The following DNAH7 variants were observed in gnomAD, a reference collection of about 807,000 sequenced individuals.
The protein encoded by DNAH7 is dynein axonemal heavy chain 7, also known as axonemal beta dynein heavy chain 7.
DNAH7 carries 397 observed loss-of-function variants against 444.6 expected under a neutral mutation model. The observed-to-expected ratio is 0.89, with a 90% CI of 0.82 to 0.97. The LOEUF is 0.97. Ranked by LOEUF, DNAH7 falls within the 50% of genes least tolerant of loss-of-function variation. DNAH7 has a pLI of 0.00. For missense variants in DNAH7, 4,902 were observed against 4,800.8 expected (o/e 1.02, Z -0.62); for synonymous variants, 1,636 against 1,624.4 (o/e 1.01, Z -0.17).
At chr2:195,745,190 A>G (rs917426641) in intron 63 of DNAH7, among the ~76,000 whole-genome samples, 3 of 152,236 alleles carry the variant, frequency 2.0e-5, no homozygotes, top group African/African-American at 4.8e-5. Context: ...GCCAAGGCTC[A>G]AGAACTACGT....
rs754384157 is a variant in DNAH7 at position 195,972,398 on chromosome 2, G to A, written c.1902C>T (p.Asn634=). 6.2e-7 allele frequency: 1 copy of A among 1,614,090 alleles called. No individual in the cohort carries two copies. Among genetic ancestry groups the A allele is most frequent in the Non-Finnish European group, 8.5e-7 (1 of 1,179,994 alleles). The change falls in exon 16 of 65, where the codon AAC becomes AAT. Residue 634 remains asparagine (N), a synonymous_variant. Coordinates refer to ENST00000312428, the MANE Select transcript of DNAH7 (RefSeq NM_018897.3). ...CATACTCGATGAGGAAGGCGAGGCA[G>A]TTTTTGGAATCCACTAATCTCTGTT... ...ELEQRLVDSK[N]CLAFLIEYVN...
At chr2:195,782,568 C>T (rs1423400894) in intron 58 of DNAH7, among the ~76,000 whole-genome samples, 1 of 152,084 alleles carries the variant, frequency 6.6e-6, no homozygotes, top group Non-Finnish European at 1.5e-5. Flanking sequence ...AAAAGAACCA[C>T]AGAAAAACGT....
chr2:195,934,642 C>T lies in DNAH7; in HGVS notation c.3420G>A (p.Val1140=), dbSNP rs1214291005. The part of the protein sequence containing the change: ...IISTAKARGQ[V]EKWLVELERV... ...TCTCTAATTCAACCAACCACTTCTC[C>T]ACTTGACCTCTGGCTTTGGCTGTTG... Residue 1140 remains valine, a synonymous_variant, in exon 21 of 65, where the codon GTG becomes GTA. Coordinates refer to ENST00000312428, the MANE Select transcript of DNAH7 (RefSeq NM_018897.3). 3.1e-6 allele frequency: 5 copies of T among 1,613,948 alleles called. No individual in the cohort carries two copies. The highest frequency in any genetic ancestry group is 4.2e-6 in the Non-Finnish European group (5 of 1,179,988).
chr2:195,919,137 C>G (rs1487977576), intron 24 of DNAH7, among the ~76,000 whole-genome samples: 1 of 151,342 alleles, frequency 6.6e-6, no homozygotes, highest in Non-Finnish European at 1.5e-5. Flanking sequence ...GTAATCCCAG[C>G]TACTCGGGAG....
intron 19 of DNAH7, among the ~76,000 whole-genome samples, chr2:195,942,785 G>A (rs1689546470): frequency 6.6e-6 from 1 of 152,066 alleles, no homozygotes; most frequent in Non-Finnish European, 1.5e-5. Flanking sequence ...TTAATTCCCA[G>A]ATCCATGTAC....
intron 1 of DNAH7, among the ~76,000 whole-genome samples, chr2:196,066,979 A>G (rs1397614925): frequency 6.6e-6 from 1 of 152,226 alleles, no homozygotes; most frequent in Non-Finnish European, 1.5e-5. Flanking sequence ...ACAGTGATAG[A>G]GGGCCCTCTG....
At chr2:196,062,669 A>G (rs1317081424) in intron 1 of DNAH7, among the ~76,000 whole-genome samples, 1 of 152,104 alleles carries the variant, frequency 6.6e-6, no homozygotes, top group African/African-American at 2.4e-5. Flanking sequence ...TGGGGACACT[A>G]TCGCCCCTAC....
intron 7 of DNAH7, among the ~76,000 whole-genome samples, chr2:196,024,767 T>C (rs1415031999): frequency 1.3e-5 from 2 of 152,016 alleles, no homozygotes; most frequent in Non-Finnish European, 2.9e-5. Context: ...GAATAATTGC[T>C]CTTAATATTA....
At position 195,857,591 on chromosome 2, in the gene DNAH7, C is replaced by T; in HGVS notation, c.8200G>A (p.Asp2734Asn). The T allele has an allele frequency of 6.2e-7, 1 of 1,613,922 alleles. No homozygotes were observed. The highest frequency in any genetic ancestry group is 8.5e-7 in the Non-Finnish European group (1 of 1,179,930). ...AGTCTCTTAGCTGGGCCCCAGAAAT[C>T]CTCAATTTTTTTCCCTGAACCTGTT... Reference protein sequence around the residue: ...DPTGSGKKIEDFWGPAKRLLG... With the variant: ...DPTGSGKKIENFWGPAKRLLG... The change falls in exon 44 of 65, where the codon GAT (aspartate) becomes AAT (asparagine). Residue 2734 changes from aspartate (D) to asparagine (N), a missense_variant. Physicochemically the swap from Asp to Asn is conservative, Grantham distance 23. Coordinates refer to ENST00000312428, the MANE Select transcript of DNAH7 (RefSeq NM_018897.3).
Position 195,872,369 on chromosome 2 carries a change from C to T in DNAH7, c.6514G>A (p.Ala2172Thr). 1 of 1,613,888 alleles carries T rather than the reference C, an allele frequency of 6.2e-7. No homozygotes were observed. The highest frequency in any genetic ancestry group is 8.5e-7 in the Non-Finnish European group (1 of 1,179,872). ...EAMKNLLPTP[A>T]KSHYLFNLRD... ...AGGTTGAACAAGTAGTGAGATTTAGCTGGAGTAGGCAAGAGATTCTTCATT... is the reference window on the plus strand; with the variant it reads ...AGGTTGAACAAGTAGTGAGATTTAGTTGGAGTAGGCAAGAGATTCTTCATT... The change falls in exon 40 of 65, where the codon GCT becomes ACT. Residue 2172 changes from alanine to threonine, a missense_variant. Transcript: ENST00000312428.
At chr2:196,017,159 C>T (rs559861733) in intron 9 of DNAH7, among the ~76,000 whole-genome samples, 92 of 151,980 alleles carry the variant, frequency 6.1e-4, no homozygotes, top group Non-Finnish European at 9.4e-4. Context: ...GGATTACAGG[C>T]GCCCACCACC....
At chr2:195,964,872 G>A (rs13399332) in intron 17 of DNAH7, among the ~76,000 whole-genome samples, 4,848 of 135,246 alleles carry the variant, frequency 0.036, 269 homozygotes, top group African/African-American at 0.15. Flanking sequence ...GTGAGACTCC[G>A]TCTCAAAAAA....
chr2:195,895,052 A>C lies in DNAH7; in HGVS notation c.4820T>G (p.Ile1607Ser). The C allele has an allele frequency of 6.2e-7, 1 of 1,613,588 alleles. No homozygotes were observed. The highest frequency in any genetic ancestry group is 1.1e-5 in the South Asian group (1 of 91,004). ...TTTTCCTCCAAATGGTTCTCCAACAATCATAAAACCATGACGCACAATCAT... is the reference window on the plus strand; with the variant it reads ...TTTTCCTCCAAATGGTTCTCCAACACTCATAAAACCATGACGCACAATCAT... ...EMMIVRHGFMIVGEPFGGKTS... is the reference protein window; with the variant it reads ...EMMIVRHGFMSVGEPFGGKTS... Residue 1607 changes from isoleucine (I) to serine (S), a missense_variant, in exon 30 of 65, where the codon ATT becomes AGT. Coordinates refer to ENST00000312428, the MANE Select transcript of DNAH7 (RefSeq NM_018897.3).
chr2:195,907,742 A>G (rs1687118569), intron 25 of DNAH7, among the ~76,000 whole-genome samples: 1 of 152,282 alleles, frequency 6.6e-6, no homozygotes, highest in East Asian at 1.9e-4. Context: ...TTAAATAATT[A>G]GCACAAAGCC....
chr2:196,048,404 C>G lies in DNAH7; in HGVS notation c.142G>C (p.Val48Leu), dbSNP rs370829351. Residue 48 changes from valine (V) to leucine (L), a missense_variant and splice_region_variant, in exon 4 of 65, where the codon GTG (valine) becomes CTG (leucine). By Grantham distance (32) the Val-to-Leu change is conservative. Transcript: ENST00000312428. ...PARALPQLSM[V>L]STKPHWQQAA... ...TGCTGCCAGTGGGGCTTTGTACTCA[C>G]CTAAAATACAAAATTTAAATAGCAT... 2.5e-6 allele frequency: 4 copies of G among 1,610,762 alleles called. No homozygotes were observed. Among genetic ancestry groups the G allele is most frequent in the Non-Finnish European group, 3.4e-6 (4 of 1,178,910 alleles).
intron 15 of DNAH7, 94 bp downstream of exon 15, chr2:195,984,538 T>C: frequency 8.2e-7 from 1 of 1,220,008 alleles, no homozygotes; most frequent in South Asian, 1.3e-5. Flanking sequence ...TTATTTTTAA[T>C]CTGTCTTAAC....
chr2:195,851,724 C>T (rs975053976), intron 46 of DNAH7, among the ~76,000 whole-genome samples: 1 of 152,174 alleles, frequency 6.6e-6, no homozygotes, highest in African/African-American at 2.4e-5. Context: ...TCTGCTAGTG[C>T]ACTGGGTAGT....
intron 22 of DNAH7, among the ~76,000 whole-genome samples, chr2:195,925,475 T>C (rs150965059): frequency 9.5e-4 from 145 of 152,322 alleles, no homozygotes; most frequent in African/African-American, 3.1e-3. Context: ...AGGGGCTTAC[T>C]GCTATTAGGG....
intron 59 of DNAH7, among the ~76,000 whole-genome samples, chr2:195,777,008 C>T (rs1695094807): frequency 6.6e-6 from 1 of 152,186 alleles, no homozygotes; most frequent in Non-Finnish European, 1.5e-5. Flanking sequence ...CCAACAGTGA[C>T]CTAGGCTTTG....
Sources: gnomAD v4.1 joint callset for allele counts (sites outside exome capture counted in the v4.1 genomes callset) on GRCh38, gnomAD v4.1.1 for gene constraint, MANE v1.5 for transcripts, NCBI Gene and HGNC (gene_info 2026-07-23, HGNC 2026-07-21) for gene names.